Variants in VPS8 observed in about 807,000 individuals in gnomAD.
VPS8 encodes the protein VPS8 subunit of CORVET complex.
A neutral mutation model predicts 216.4 loss-of-function variants in VPS8; 129 were observed. The observed-to-expected ratio is 0.60, with a 90% CI of 0.52 to 0.69. VPS8 has a LOEUF of 0.69. Among genes scored for constraint, VPS8 ranks in the 30% least tolerant of loss-of-function variants. The pLI, the probability that VPS8 is intolerant of heterozygous loss-of-function variation, is 0.00. For missense variants in VPS8, 1,531 were observed against 1,683.5 expected (o/e 0.91, Z 1.59); for synonymous variants, 571 against 565.4 (o/e 1.01, Z -0.14).
chr3:184,950,067 G>A (rs1279187612), intron 36 of VPS8, among the ~76,000 whole-genome samples: 2 of 151,374 alleles, frequency 1.3e-5, no homozygotes, highest in Non-Finnish European at 2.9e-5. Flanking sequence ...GCACCACCAC[G>A]CCCTAATTTT....
chr3:184,839,835 G>A, intron 7 of VPS8, 83 bp downstream of exon 7: 1 of 1,496,898 alleles, frequency 6.7e-7, no homozygotes, highest in South Asian at 1.3e-5. Flanking sequence ...AGTTTATATA[G>A]TGTACTTGAT....
chr3:184,941,832 A>T (rs1742758331), intron 36 of VPS8, among the ~76,000 whole-genome samples: 2 of 152,088 alleles, frequency 1.3e-5, no homozygotes, highest in Admixed American at 1.3e-4. Context: ...ACAACAGGGG[A>T]AGGTCAGCTT....
chr3:185,024,645 G>C (rs76397955), intron 46 of VPS8, among the ~76,000 whole-genome samples: 1 of 152,150 alleles, frequency 6.6e-6, no homozygotes, highest in Admixed American at 6.5e-5. Flanking sequence ...TGGTATCGTG[G>C]TATCAATGAG....
chr3:184,944,547 T>G lies in VPS8; in HGVS notation c.3035+4304T>G, dbSNP rs1296012918. 1.0e-5 allele frequency: 10 copies of G among 985,286 alleles called. No individual in the cohort carries two copies. In the South Asian group the frequency reaches 4.7e-4, roughly 46 times the overall value. The allele number at this position is 985,286 out of a possible 1,614,324, so 61.0% of individuals were successfully genotyped here. A position where few individuals can be genotyped will look rare whatever the true frequency, so the allele number is the denominator to read the frequency against. On this transcript the variant is annotated intron_variant, in intron 36 of 47. Coordinates refer to ENST00000625842, the MANE Select transcript of VPS8 (RefSeq NM_001009921.3). Reference sequence around the variant, plus strand: ...AAAGGATAATACAAAAGGACACGTGTTTTTTGTGAGGCCATGAGCTGCATA... The same window carrying G: ...AAAGGATAATACAAAAGGACACGTGGTTTTTGTGAGGCCATGAGCTGCATA...
At chr3:184,842,696 A>G (rs116196933) in intron 7 of VPS8, among the ~76,000 whole-genome samples, 4,078 of 152,232 alleles carry the variant, frequency 0.027, 193 homozygotes, top group African/African-American at 0.093. Flanking sequence ...AAGTGTAGCA[A>G]GAAGAGCTAT....
chr3:184,944,546 G>GT lies in VPS8; in HGVS notation c.3035+4309dup, dbSNP rs1007500816. On this transcript the variant is annotated intron_variant, in intron 36 of 47. Coordinates refer to ENST00000625842, the MANE Select transcript of VPS8 (RefSeq NM_001009921.3). ...TAAAGGATAATACAAAAGGACACGT[G>GT]TTTTTTGTGAGGCCATGAGCTGCAT... 2.2e-5 allele frequency: 22 copies of GT among 985,400 alleles called. No individual in the cohort carries two copies. The African/African-American group carries it at 3.8e-4, about 17-fold the overall frequency. The allele number at this position is 985,400 out of a possible 1,614,324, so 61.0% of individuals were successfully genotyped here.
At chr3:184,828,438 C>T (rs1719282732) in intron 3 of VPS8, among the ~76,000 whole-genome samples, 1 of 152,024 alleles carries the variant, frequency 6.6e-6, no homozygotes, top group African/African-American at 2.4e-5. Flanking sequence ...CATACCTGGC[C>T]GATGCTTTTT....
intron 36 of VPS8, among the ~76,000 whole-genome samples, chr3:184,949,194 G>T (rs1410326125): frequency 2.0e-5 from 3 of 152,042 alleles, no homozygotes; most frequent in Non-Finnish European, 2.9e-5. Context: ...CTACTTGGGA[G>T]GCTGATGTGA....
At chr3:185,046,408 C>T (rs535973147) in intron 46 of VPS8, among the ~76,000 whole-genome samples, 1 of 152,282 alleles carries the variant, frequency 6.6e-6, no homozygotes, top group Non-Finnish European at 1.5e-5. Context: ...TTTCTTGAAA[C>T]TTTCATGCCC....
chr3:184,934,191 G>A (rs1741198400), intron 34 of VPS8, among the ~76,000 whole-genome samples: 2 of 151,870 alleles, frequency 1.3e-5, no homozygotes, highest in Admixed American at 6.6e-5. Context: ...TTTTGAGACA[G>A]AGTCTCACTC....
At chr3:184,939,029 CAAAAA>C (rs201525906) in intron 35 of VPS8, among the ~76,000 whole-genome samples, 1 of 53,450 alleles carries the variant, frequency 1.9e-5, no homozygotes, top group Admixed American at 2.0e-4. Flanking sequence ...GACCCTGTCT[CAAAAA>C]AAAAAAAAAA....
At chr3:185,026,163 C>G (rs1018741074) in intron 46 of VPS8, among the ~76,000 whole-genome samples, 3 of 151,610 alleles carry the variant, frequency 2.0e-5, no homozygotes, top group Admixed American at 1.3e-4. Flanking sequence ...CAACCAACCA[C>G]AGATTGAAGA....
chr3:184,860,825 G>GTTT (rs35831025), intron 15 of VPS8, among the ~76,000 whole-genome samples: 2 of 142,084 alleles, frequency 1.4e-5, no homozygotes, highest in Non-Finnish European at 1.5e-5. Context: ...TGACTTCTTG[G>GTTT]TTTTTTTTTT....
At chr3:184,870,831 G>A (rs1423003888) in intron 21 of VPS8, 26 bp downstream of exon 21, 1 of 1,577,610 alleles carries the variant, frequency 6.3e-7, no homozygotes, top group Admixed American at 1.7e-5. Flanking sequence ...GCTTCCAGTA[G>A]ACGATGCTCT....
At chr3:184,950,042 TGG>T (rs1464524960) in intron 36 of VPS8, among the ~76,000 whole-genome samples, 2 of 151,580 alleles carry the variant, frequency 1.3e-5, no homozygotes, top group Non-Finnish European at 2.9e-5. Context: ...CCCGAGTAAC[TGG>T]GATTACAGGT....
intron 28 of VPS8, among the ~76,000 whole-genome samples, chr3:184,917,452 G>T (rs895861485): frequency 6.6e-6 from 1 of 151,816 alleles, no homozygotes; most frequent in Non-Finnish European, 1.5e-5. Context: ...TTTTTGAGAC[G>T]GAGCTTTGCT....
intron 8 of VPS8, among the ~76,000 whole-genome samples, chr3:184,848,203 G>C (rs916508174): frequency 6.6e-6 from 1 of 152,030 alleles, no homozygotes; most frequent in African/African-American, 2.4e-5. Context: ...GTGAGCCACC[G>C]TGCCTAGCCA....
chr3:184,822,243 T>A (rs1297414509), intron 1 of VPS8, among the ~76,000 whole-genome samples: 1 of 152,164 alleles, frequency 6.6e-6, no homozygotes, highest in Non-Finnish European at 1.5e-5. Context: ...AATAGACTCT[T>A]TGGCTTGTGT....
At position 184,930,523 on chromosome 3, in the gene VPS8, AGAG is replaced by A. The variant is rs745843171; in HGVS notation, c.2857_2859del (p.Glu953del). The A allele has an allele frequency of 6.2e-7, 1 of 1,613,640 alleles. No individual in the cohort carries two copies. The highest frequency in any genetic ancestry group is 8.5e-7 in the Non-Finnish European group (1 of 1,179,576). ...TCTTATCCATTCCCGGACACAGTGC[AGAG>A]GAGAAGCAGTCTGTATGGCAGAAAG... is the stretch of plus-strand genomic sequence containing the variant. On this transcript the variant is annotated inframe_deletion, in exon 34 of 48. Transcript: ENST00000625842.
Sources: allele counts gnomAD v4.1 joint callset (sites outside exome capture counted in the v4.1 genomes callset), GRCh38; gene constraint gnomAD v4.1.1; transcripts MANE v1.5; gene names NCBI Gene and HGNC (gene_info 2026-07-23, HGNC 2026-07-21).